SPTBN5: variants seen among roughly 807,000 people sequenced by gnomAD.
The protein encoded by SPTBN5 is spectrin beta, non-erythrocytic 5, also known as spectrin beta chain, non-erythrocytic 5.
A neutral mutation model predicts 477.6 loss-of-function variants in SPTBN5; 513 were observed. The observed-to-expected ratio is 1.07, with a 90% CI of 1.00 to 1.16. The LOEUF is 1.16. Ranked by LOEUF, SPTBN5 falls within the 50% of genes most tolerant of loss-of-function variation. The pLI is 0.00. For missense variants in SPTBN5, 5,062 were observed against 4,731.8 expected (o/e 1.07, Z -2.05); for synonymous variants, 2,169 against 2,011.7 (o/e 1.08, Z -2.09).
At chr15:41,885,168 C>T (rs911421921) in intron 7 of SPTBN5, among the ~76,000 whole-genome samples, 10 of 152,060 alleles carry the variant, frequency 6.6e-5, no homozygotes, top group African/African-American at 2.2e-4. Context: ...AGATTACAGG[C>T]GCCCGCCACC....
At position 41,876,913 on chromosome 15, in the gene SPTBN5, C is replaced by T. The variant is rs2066756510; in HGVS notation, c.3747G>A (p.Gln1249=). The change falls in exon 19 of 68, where the codon CAG becomes CAA. Residue 1249 remains glutamine, a synonymous_variant. Coordinates refer to ENST00000320955, the MANE Select transcript of SPTBN5 (RefSeq NM_016642.4). Reference sequence around the variant, plus strand: ...TCAGGAGCCGCCCAAACTCCCGGTGCTGCTGCAGCAGGCTCAGGGCCTCCC... The same window carrying T: ...TCAGGAGCCGCCCAAACTCCCGGTGTTGCTGCAGCAGGCTCAGGGCCTCCC... ...DVREALSLLQ[Q]HREFGRLLST... 6.2e-7 allele frequency: 1 copy of T among 1,610,054 alleles called. No homozygotes were observed. The highest frequency in any genetic ancestry group is 1.3e-5 in the African/African-American group (1 of 74,844).
Position 41,853,800 on chromosome 15 carries a change from C to T in SPTBN5, c.9775-13G>A. The T allele has an allele frequency of 6.5e-7, 1 of 1,547,666 alleles. No individual in the cohort carries two copies. Among genetic ancestry groups the T allele is most frequent in the Non-Finnish European group, 8.7e-7 (1 of 1,144,690 alleles). On this transcript the variant is annotated splice_polypyrimidine_tract_variant and intron_variant, in intron 57 of 67. Transcript: ENST00000320955. ...CTTCCAGCTCTCTCTGCAACCAGAG[C>T]ATGAGATCAGGCCTCAGTCCCCCCA...
Position 41,890,192 on chromosome 15 carries a change from A to T in SPTBN5, c.398T>A (p.Leu133His). 1 of 1,611,560 alleles carries T rather than the reference A, an allele frequency of 6.2e-7. No individual in the cohort carries two copies. Among genetic ancestry groups the T allele is most frequent in the Non-Finnish European group, 8.5e-7 (1 of 1,178,738 alleles). The part of the protein sequence containing the change: ...AFLRAKVPVP[L>H]IGPENIVDGD... ...GTCCACGATGTTCTCTGGCCCGATGAGTGGTACTGGCACCTGTGGGCACAG... is the reference window on the plus strand; with the variant it reads ...GTCCACGATGTTCTCTGGCCCGATGTGTGGTACTGGCACCTGTGGGCACAG... Residue 133 changes from leucine to histidine, a missense_variant, in exon 4 of 68, where the codon CTC (leucine) becomes CAC (histidine). Transcript: ENST00000320955.
intron 49 of SPTBN5, 90 bp downstream of exon 49, chr15:41,858,512 C>A: frequency 2.1e-6 from 3 of 1,456,782 alleles, no homozygotes; most frequent in Non-Finnish European, 2.7e-6. Flanking sequence ...CGCTGGCCAC[C>A]GTTACTGTGG....
rs1245156085 is a variant in SPTBN5, at chr15:41,856,438, CGCGCCGCCTCT to C, written c.8958_8968del (p.Arg2990SerfsTer14). ...AGCCTGCTGCAGCAGAAGCCGCCTC[CGCGCCGCCTCT>C]GCCCGCAGGTGGGCCATGGCCTTCT... On this transcript the variant is annotated frameshift_variant, in exon 53 of 68. Transcript: ENST00000320955. LOFTEE classifies it high-confidence loss of function. 3 of 1,595,076 alleles carry C rather than the reference CGCGCCGCCTCT, an allele frequency of 1.9e-6. No homozygotes were observed. The highest frequency in any genetic ancestry group is 1.7e-5 in the Admixed American group (1 of 58,730).
intron 29 of SPTBN5, 58 bp from the exon 30 acceptor site, chr15:41,870,618 C>T: frequency 1.4e-6 from 2 of 1,442,530 alleles, no homozygotes; most frequent in Non-Finnish European, 1.9e-6. Context: ...TGTCATTCCT[C>T]CCTCCCGCTA....
At chr15:41,876,054 C>G (rs1167006487) in intron 21 of SPTBN5, 60 bp downstream of exon 21, 19 of 1,554,128 alleles carry the variant, frequency 1.2e-5, no homozygotes. Flanking sequence ...ACAGGTGGTG[C>G]AGTAGGGTTG....
intron 58 of SPTBN5, 40 bp downstream of exon 58, chr15:41,853,542 C>T: frequency 1.3e-6 from 2 of 1,544,794 alleles, no homozygotes; most frequent in Non-Finnish European, 1.8e-6. Context: ...CCCCACCCCA[C>T]AGGGTAGAGC....
chr15:41,859,047 T>A, intron 47 of SPTBN5, 67 bp from the exon 48 acceptor site: 1 of 1,307,294 alleles, frequency 7.6e-7, no homozygotes, highest in Non-Finnish European at 1.0e-6. Context: ...CCGTCCAGCC[T>A]AGGCTTTCTC....
intron 35 of SPTBN5, 58 bp from the exon 36 acceptor site, chr15:41,867,184 C>A: frequency 6.8e-7 from 1 of 1,471,696 alleles, no homozygotes; most frequent in Non-Finnish European, 9.0e-7. Context: ...AGGGCCTGGC[C>A]TGCAGGGCTC....
chr15:41,872,298 T>C lies in SPTBN5; in HGVS notation c.5165+4A>G. On this transcript the variant is annotated splice_donor_region_variant and intron_variant, in intron 27 of 67. Transcript: ENST00000320955. ...ACTGATGAGAGGGGTTATGGTGTCC[T>C]CACCGTGTGGCCGCCAACTCCTGCA... 2 of 1,609,792 alleles carry C rather than the reference T, an allele frequency of 1.2e-6. No homozygotes were observed. Among genetic ancestry groups the C allele is most frequent in the Non-Finnish European group, 1.7e-6 (2 of 1,179,090 alleles).
chr15:41,866,256 A>T (rs1279946508), intron 37 of SPTBN5, 27 bp from the exon 38 acceptor site: 1 of 1,580,678 alleles, frequency 6.3e-7, no homozygotes, highest in African/African-American at 1.4e-5. Context: ...GACACAGGAC[A>T]TCTTGCCTGC....
rs1432376350 is a variant in SPTBN5 at position 41,890,095 on chromosome 15, C to T, written c.495G>A (p.Leu165=). 1 of 1,608,884 alleles carries T rather than the reference C, an allele frequency of 6.2e-7. No individual in the cohort carries two copies. Reference sequence around the variant, plus strand: ...ACTGGGGACTGAGCCATACCTTGTCCAAGGAGATGTGGGAGATCTGGAAAC... The same window carrying T: ...ACTGGGGACTGAGCCATACCTTGTCTAAGGAGATGTGGGAGATCTGGAAAC... ...ILRFQISHIS[L]DKEEFGASAA... is the part of the protein sequence containing the mutation. Residue 165 remains leucine, a synonymous_variant, in exon 4 of 68, where the codon TTG becomes TTA. Transcript: ENST00000320955.
Position 41,890,094 on chromosome 15 carries a change from C to G in SPTBN5, c.496G>C (p.Asp166His), listed in dbSNP as rs1362487208. The G allele has an allele frequency of 6.2e-7, 1 of 1,608,432 alleles. No homozygotes were observed. Among genetic ancestry groups the G allele is most frequent in the Non-Finnish European group, 8.5e-7 (1 of 1,176,836 alleles). Residue 166 changes from aspartate to histidine, a missense_variant, in exon 4 of 68, where the codon GAC becomes CAC. Physicochemically the swap from Asp to His is moderately conservative, Grantham distance 81. Transcript: ENST00000320955. ...TACTGGGGACTGAGCCATACCTTGTCCAAGGAGATGTGGGAGATCTGGAAA... is the reference window on the plus strand; with the variant it reads ...TACTGGGGACTGAGCCATACCTTGTGCAAGGAGATGTGGGAGATCTGGAAA... The part of the protein sequence containing the change: ...LRFQISHISL[D>H]KEEFGASAAL...
chr15:41,873,563 G>T lies in SPTBN5; in HGVS notation c.4936C>A (p.Arg1646=), dbSNP rs368426047. 35 of 1,552,060 alleles carry T rather than the reference G, an allele frequency of 2.3e-5. No individual in the cohort carries two copies. In the African/African-American group the frequency reaches 4.5e-4, roughly 20 times the overall value. Residue 1646 remains arginine (R), a synonymous_variant, in exon 26 of 68, where the codon CGG becomes AGG. Transcript: ENST00000320955. ...SELEGWVEEK[R]PLVSSRDYGR... is the part of the protein sequence containing the mutation. ...TAGTCCCGACTGCTCACCAGCGGCC[G>T]CTTCTCCTCCACCCAGCCCTCCAGC... is the stretch of plus-strand genomic sequence containing the variant.
Position 41,852,585 on chromosome 15 carries a change from G to C in SPTBN5, c.10449+49C>G, listed in dbSNP as rs1287281452. On this transcript the variant is annotated intron_variant, in intron 61 of 67. Transcript: ENST00000320955. ...GGAGACACTGACTTGCAGGCTGAGA[G>C]GGACTGTTCCCCCACCAGCCCTCAG... 5.7e-6 allele frequency: 9 copies of C among 1,575,418 alleles called. No individual in the cohort carries two copies. The East Asian group carries it at 2.0e-4, about 35-fold the overall frequency.
intron 29 of SPTBN5, among the ~76,000 whole-genome samples, chr15:41,871,036 C>G (rs1325168775): frequency 1.3e-5 from 2 of 152,248 alleles, no homozygotes; most frequent in Non-Finnish European, 2.9e-5. Flanking sequence ...GCCAAGTGGA[C>G]AGCTAGGAAC....
At position 41,885,969 on chromosome 15, in the gene SPTBN5, C is replaced by T. The variant is rs202048229; in HGVS notation, c.1286G>A (p.Arg429Gln). ...GAGGGCTGCCTTGTGCTGGAAGCGC[C>T]GGGCCAGGGTTTCTAGCCGCTGCAG... ...LQLQRLETLA[R>Q]RFQHKAALRE... The change falls in exon 7 of 68, where the codon CGG (arginine) becomes CAG (glutamine). Residue 429 changes from arginine to glutamine, a missense_variant. Arg to Gln is a conservative substitution (Grantham distance 43). Transcript: ENST00000320955. 253 of 1,548,644 alleles carry T rather than the reference C, an allele frequency of 1.6e-4. No homozygotes were observed. The African/African-American group carries it at 3.0e-3, about 18-fold the overall frequency.
intron 29 of SPTBN5, 100 bp from the exon 30 acceptor site, chr15:41,870,660 A>T: frequency 5.1e-6 from 5 of 979,060 alleles, no homozygotes; most frequent in Non-Finnish European, 7.5e-6. Flanking sequence ...TCTGAGTTGT[A>T]TCGGGACTTG....
Sources: allele counts gnomAD v4.1 joint callset (sites outside exome capture counted in the v4.1 genomes callset), GRCh38; gene constraint gnomAD v4.1.1; transcripts MANE v1.5; gene names NCBI Gene and HGNC (gene_info 2026-07-23, HGNC 2026-07-21).